Variants in CHL1 observed in about 807,000 individuals in gnomAD.
CHL1 encodes the protein neural cell adhesion molecule L1-like protein.
In CHL1, 96 loss-of-function variants were observed where a neutral mutation model predicts 141.9. That is an observed-to-expected ratio of 0.68 (90% CI 0.57 to 0.80). The LOEUF (loss-of-function observed/expected upper bound fraction) is 0.80. Ranked by LOEUF, CHL1 falls within the 30% of genes least tolerant of loss-of-function variation. The pLI is 0.00. For missense variants in CHL1, 1,820 were observed against 1,457.2 expected, an observed-to-expected ratio of 1.25 and a Z score of -4.05; for synonymous variants, 613 against 502.2, an observed-to-expected ratio of 1.22 and a Z score of -2.95.
rs1259503122 is a variant in CHL1, at chr3:361,729, G to T, written c.1337G>T (p.Gly446Val). The T allele has an allele frequency of 1.9e-6, 3 of 1,613,384 alleles. No homozygotes were observed. The Admixed American group carries it at 5.0e-5, about 27-fold the overall frequency. Residue 446 changes from glycine to valine, a missense_variant, in exon 13 of 28, where the codon GGA becomes GTA. Gly to Val is a moderately radical substitution (Grantham distance 109). Coordinates refer to ENST00000256509, the MANE Select transcript of CHL1 (RefSeq NM_006614.4). ...CGTCCATTGATACAAACCAAAGATG[G>T]AGAAAATTACGCTACAGTGGTTGGG... is the stretch of plus-strand genomic sequence containing the variant. ...DVRPLIQTKD[G>V]ENYATVVGYS... is the part of the protein sequence containing the mutation.
Position 407,812 on chromosome 3 carries a change from T to A in CHL1, c.*2101T>A, listed in dbSNP as rs1709624039. ...CCTTTAAGTCAGAAACTAAAACAAA[T>A]ACTGAAATATTAGCTCTTCCTACAC... On this transcript the variant is annotated 3_prime_UTR_variant, in exon 28 of 28. Coordinates refer to ENST00000256509, the MANE Select transcript of CHL1 (RefSeq NM_006614.4). 1 of 152,126 alleles carries A rather than the reference T, an allele frequency of 6.6e-6. No individual in the cohort carries two copies. Among genetic ancestry groups the A allele is most frequent in the African/African-American group, 2.4e-5 (1 of 41,430 alleles). 9.4% of individuals were successfully genotyped at this position (152,126 alleles called of 1,614,324 possible). A position where few individuals can be genotyped will look rare whatever the true frequency, so the allele number is the denominator to read the frequency against.
chr3:357,038 G>A (rs1443721404), intron 11 of CHL1, among the ~76,000 whole-genome samples: 1 of 152,224 alleles, frequency 6.6e-6, no homozygotes, highest in African/African-American at 2.4e-5. Context: ...AGTCATGGTT[G>A]GCTTCTGGAT....
intron 11 of CHL1, 97 bp downstream of exon 11, chr3:354,868 T>A: frequency 1.4e-6 from 2 of 1,480,494 alleles, no homozygotes; most frequent in East Asian, 4.6e-5. Context: ...GGTATGTGGT[T>A]GGATTAGCAG....
chr3:315,266 C>G (rs1439831593), intron 2 of CHL1, among the ~76,000 whole-genome samples: 1 of 152,132 alleles, frequency 6.6e-6, no homozygotes, highest in Non-Finnish European at 1.5e-5. Context: ...AGTGAGCAGG[C>G]TGGGTAAACT....
chr3:226,434 A>C (rs1265446242), intron 1 of CHL1, among the ~76,000 whole-genome samples: 1 of 146,640 alleles, frequency 6.8e-6, no homozygotes, highest in East Asian at 2.0e-4. Flanking sequence ...ATATTTTTTA[A>C]TTTTATTATT....
intron 19 of CHL1, chr3:384,621 T>A (rs1707452900): frequency 6.6e-6 from 1 of 152,226 alleles, no homozygotes; most frequent in African/African-American, 2.4e-5. Flanking sequence ...AGTGGGGCAT[T>A]TTATTTTCTC....
intron 1 of CHL1, among the ~76,000 whole-genome samples, chr3:234,866 T>C (rs969755310): frequency 7.2e-5 from 11 of 152,182 alleles, no homozygotes; most frequent in African/African-American, 2.4e-4. Flanking sequence ...TACAATGCTC[T>C]GGGACAGAAA....
At position 389,404 on chromosome 3, in the gene CHL1, G is replaced by T. The variant is rs775394418; in HGVS notation, c.2400G>T (p.Lys800Asn). 1.2e-6 allele frequency: 2 copies of T among 1,614,194 alleles called. No individual in the cohort carries two copies. Among genetic ancestry groups the T allele is most frequent in the South Asian group, 1.1e-5 (1 of 91,084 alleles). ...CTGTCTATGCCCCTTATGATGTCAA[G>T]GTCCAGGCTATCAATCAACTAGGAT... ...TPAVYAPYDV[K>N]VQAINQLGSG... Residue 800 changes from lysine to asparagine, a missense_variant, in exon 20 of 28, where the codon AAG becomes AAT. Transcript: ENST00000256509.
chr3:302,602 T>C (rs1032825690), intron 2 of CHL1, among the ~76,000 whole-genome samples: 4 of 152,232 alleles, frequency 2.6e-5, no homozygotes, highest in Admixed American at 2.6e-4. Flanking sequence ...TGTTTCTTTT[T>C]TTCTTGTAAA....
At chr3:293,438 G>A (rs933096230) in intron 2 of CHL1, among the ~76,000 whole-genome samples, 2 of 152,132 alleles carry the variant, frequency 1.3e-5, no homozygotes, top group African/African-American at 4.8e-5. Context: ...GGGAGGTGAA[G>A]GTTGCAGTGG....
chr3:232,502 A>G (rs1701954310), intron 1 of CHL1, among the ~76,000 whole-genome samples: 2 of 152,104 alleles, frequency 1.3e-5, no homozygotes, highest in African/African-American at 4.8e-5. Flanking sequence ...CCTTTGTAAC[A>G]GTTTTAGGTT....
chr3:353,492 T>C (rs111877534), intron 10 of CHL1, among the ~76,000 whole-genome samples: 100 of 152,304 alleles, frequency 6.6e-4, no homozygotes, highest in African/African-American at 2.3e-3. Flanking sequence ...GTACAGCTTA[T>C]GAATACAGAT....
At chr3:356,490 C>G (rs1205161198) in intron 11 of CHL1, among the ~76,000 whole-genome samples, 1 of 152,148 alleles carries the variant, frequency 6.6e-6, no homozygotes, top group Admixed American at 6.5e-5. Context: ...GGATGGAATC[C>G]TTGCTCTCCT....
intron 16 of CHL1, among the ~76,000 whole-genome samples, chr3:381,417 C>T (rs1250722579): frequency 6.6e-6 from 1 of 152,194 alleles, no homozygotes; most frequent in Non-Finnish European, 1.5e-5. Flanking sequence ...GGGCACCAAA[C>T]AAGAACTGGT....
chr3:239,594 TAAA>T (rs767055246), intron 1 of CHL1, among the ~76,000 whole-genome samples: 54 of 87,976 alleles, frequency 6.1e-4, no homozygotes, highest in Non-Finnish European at 6.6e-4. Context: ...AGTATATATA[TAAA>T]ATATATATAT....
Position 390,795 on chromosome 3 carries a change from T to C in CHL1, c.2565T>C (p.His855=), listed in dbSNP as rs931020781. The C allele has an allele frequency of 3.7e-6, 6 of 1,607,616 alleles. No homozygotes were observed. Among genetic ancestry groups the C allele is most frequent in the Middle Eastern group, 3.3e-4 (2 of 6,050 alleles). ...TWSTVPKDRV[H]GRLKGYQINW... Reference sequence around the variant, plus strand: ...CAACAGTTCCAAAGGACAGAGTACATGGACGTCTGAAAGGCTATCAGGTTT... The same window carrying C: ...CAACAGTTCCAAAGGACAGAGTACACGGACGTCTGAAAGGCTATCAGGTTT... The change falls in exon 21 of 28, where the codon CAT becomes CAC. Residue 855 remains histidine, a synonymous_variant. Coordinates refer to ENST00000256509, the MANE Select transcript of CHL1 (RefSeq NM_006614.4).
At chr3:220,795 G>A (rs1239759443) in intron 1 of CHL1, among the ~76,000 whole-genome samples, 6 of 152,244 alleles carry the variant, frequency 3.9e-5, no homozygotes, top group Admixed American at 3.3e-4. Flanking sequence ...GAACGCTCAT[G>A]CTCTGTTGGT....
At chr3:204,344 C>T (rs1289675630) in intron 1 of CHL1, among the ~76,000 whole-genome samples, 1 of 152,204 alleles carries the variant, frequency 6.6e-6, no homozygotes, top group Non-Finnish European at 1.5e-5. Flanking sequence ...GTCAGTCTGG[C>T]AGCTGAAACT....
chr3:245,389 A>G (rs1487512504), intron 2 of CHL1, among the ~76,000 whole-genome samples: 3 of 152,182 alleles, frequency 2.0e-5, no homozygotes, highest in Non-Finnish European at 4.4e-5. Flanking sequence ...GTAACTGCCT[A>G]CAGGTGCAGC....
Sources: allele counts gnomAD v4.1 joint callset (sites outside exome capture counted in the v4.1 genomes callset), GRCh38; gene constraint gnomAD v4.1.1; transcripts MANE v1.5; gene names NCBI Gene and HGNC (gene_info 2026-07-23, HGNC 2026-07-21).